The following RASEF variants were observed in gnomAD, a reference collection of about 807,000 sequenced individuals.
RASEF encodes RAS and EF-hand domain containing.
RASEF carries 68 observed loss-of-function variants against 90.1 expected under a neutral mutation model. That is an observed-to-expected ratio of 0.75 (90% confidence interval 0.62 to 0.92). The LOEUF is 0.92. Ranked by LOEUF, RASEF falls within the 40% of genes least tolerant of loss-of-function variation. The pLI, the probability that RASEF is intolerant of heterozygous loss-of-function variation, is 0.00. For synonymous variants in RASEF, 331 were observed against 345.2 expected, an observed-to-expected ratio of 0.96 and a Z score of 0.46; for missense variants, 949 against 937.2, an observed-to-expected ratio of 1.01 and a Z score of -0.16.
chr9:83,180,643 T>A, the RASEF span, among the ~76,000 whole-genome samples: 3 of 152,264 alleles, frequency 2.0e-5, no homozygotes, highest in Admixed American at 2.0e-4. Context: ...TGTATTACTG[T>A]GCCAGGCACT....
chr9:83,053,640 C>T (rs1337803234), intron 1 of RASEF, among the ~76,000 whole-genome samples: 22 of 135,428 alleles, frequency 1.6e-4, no homozygotes, highest in Admixed American at 1.1e-3. Flanking sequence ...TTCCTAGTCT[C>T]GATGGTCTTT....
the RASEF span, among the ~76,000 whole-genome samples, chr9:83,126,750 G>A: frequency 1.3e-5 from 2 of 152,138 alleles, no homozygotes; most frequent in African/African-American, 2.4e-5. Context: ...TTGACTATCA[G>A]CACCAAAGCA....
chr9:83,116,671 T>C, the RASEF span, among the ~76,000 whole-genome samples: 5 of 152,198 alleles, frequency 3.3e-5, no homozygotes, highest in Admixed American at 6.5e-5. Context: ...TGGCCCACAC[T>C]TTATAAATAA....
the RASEF span, among the ~76,000 whole-genome samples, chr9:83,112,162 A>G: frequency 6.6e-6 from 1 of 152,248 alleles, no homozygotes; most frequent in East Asian, 1.9e-4. Context: ...TAATAATGCT[A>G]GCAAATGAGA....
chr9:82,992,857 C>G (rs1365487419), intron 15 of RASEF, 49 bp downstream of exon 15: 1 of 1,592,486 alleles, frequency 6.3e-7, no homozygotes, highest in Admixed American at 1.7e-5. Flanking sequence ...GACTTCAAAG[C>G]CATTAAACCC....
chr9:83,152,046 C>T, the RASEF span, among the ~76,000 whole-genome samples: 2 of 152,112 alleles, frequency 1.3e-5, no homozygotes, highest in African/African-American at 4.8e-5. Context: ...TATCTTCCCT[C>T]CCCCAGTAAG....
At chr9:83,177,930 T>G in the RASEF span, among the ~76,000 whole-genome samples, 1 of 152,136 alleles carries the variant, frequency 6.6e-6, no homozygotes, top group Non-Finnish European at 1.5e-5. Flanking sequence ...TTTTCTTCAT[T>G]CTTTCCTTTT....
At chr9:83,093,930 G>C in the RASEF span, among the ~76,000 whole-genome samples, 5 of 152,222 alleles carry the variant, frequency 3.3e-5, no homozygotes, top group Admixed American at 3.3e-4. Flanking sequence ...AATGTTAGTT[G>C]AAAGTCCCAT....
intron 3 of RASEF, among the ~76,000 whole-genome samples, chr9:83,022,117 G>T (rs1457496853): frequency 6.6e-6 from 1 of 152,038 alleles, no homozygotes; most frequent in Non-Finnish European, 1.5e-5. Flanking sequence ...TACTGCACTT[G>T]TCACTATCTG....
intron 3 of RASEF, among the ~76,000 whole-genome samples, chr9:83,021,704 A>G (rs1423050011): frequency 6.6e-6 from 1 of 152,226 alleles, no homozygotes; most frequent in Admixed American, 6.5e-5. Context: ...GTTAAATATT[A>G]GGTATTATAA....
At chr9:83,055,315 C>T (rs578148993) in intron 1 of RASEF, 10 of 377,224 alleles carry the variant, frequency 2.7e-5, no homozygotes, top group African/African-American at 1.7e-4. Context: ...TTTCCAGGTG[C>T]GTCCGTCACC....
the RASEF span, among the ~76,000 whole-genome samples, chr9:83,155,552 C>T: frequency 1.3e-5 from 2 of 152,084 alleles, no homozygotes; most frequent in Non-Finnish European, 2.9e-5. Context: ...TATCTCCCAC[C>T]GGGTCCCTCC....
chr9:82,993,077 C>G (rs771826938), intron 14 of RASEF, 52 bp from the exon 15 acceptor site: 1 of 1,588,342 alleles, frequency 6.3e-7, no homozygotes, highest in African/African-American at 1.4e-5. Flanking sequence ...GGACACATTA[C>G]GATGACCACA....
the RASEF span, among the ~76,000 whole-genome samples, chr9:83,140,065 G>C: frequency 1.3e-5 from 2 of 152,140 alleles, no homozygotes; most frequent in African/African-American, 4.8e-5. Context: ...CTCATATATG[G>C]TTCTCTGAAA....
the RASEF span, among the ~76,000 whole-genome samples, chr9:83,214,256 C>T: frequency 6.6e-6 from 1 of 152,136 alleles, no homozygotes; most frequent in Non-Finnish European, 1.5e-5. Context: ...TGTTGGTGTG[C>T]ATCTGTAATC....
chr9:83,107,679 T>G, the RASEF span, among the ~76,000 whole-genome samples: 1 of 152,218 alleles, frequency 6.6e-6, no homozygotes, highest in Admixed American at 6.5e-5. Flanking sequence ...CTGTTACTGT[T>G]GTTCATTTCT....
chr9:83,095,167 A>G, the RASEF span, among the ~76,000 whole-genome samples: 2 of 152,150 alleles, frequency 1.3e-5, no homozygotes, highest in Non-Finnish European at 2.9e-5. Flanking sequence ...TCAGTCAACT[A>G]ATATCCTAGA....
At chr9:83,136,716 C>G in the RASEF span, among the ~76,000 whole-genome samples, 3 of 151,918 alleles carry the variant, frequency 2.0e-5, no homozygotes, top group Admixed American at 2.0e-4. Flanking sequence ...TATTTGTTCC[C>G]CCTTACTCAT....
rs760722407 is a variant in RASEF, at chr9:83,062,901, A to T, written c.-34T>A. On this transcript the variant is annotated 5_prime_UTR_variant, in exon 1 of 17. Coordinates refer to ENST00000376447, the MANE Select transcript of RASEF (RefSeq NM_152573.4). ...GCGGGGGCGGCCGAGAGGGCTCCGG[A>T]GCGCCGCGGGGCGCAGGGCCCTCCC... The T allele has an allele frequency of 7.1e-7, 1 of 1,411,650 alleles. No individual in the cohort carries two copies. The highest frequency in any genetic ancestry group is 1.5e-5 in the African/African-American group (1 of 66,148). 87.4% of individuals were successfully genotyped at this position (1,411,650 alleles called of 1,614,324 possible).
Sources: gnomAD v4.1 joint callset for allele counts (sites outside exome capture counted in the v4.1 genomes callset) on GRCh38, gnomAD v4.1.1 for gene constraint, MANE v1.5 for transcripts, NCBI Gene and HGNC (gene_info 2026-07-23, HGNC 2026-07-21) for gene names.